ADGRB3: variants seen among roughly 807,000 people sequenced by gnomAD.
The protein encoded by ADGRB3 is brain-specific angiogenesis inhibitor 3.
ADGRB3 carries 37 observed loss-of-function variants against 193.4 expected under a neutral mutation model. The ratio of observed to expected loss-of-function variants is 0.19; its 90% CI spans 0.15 to 0.25. ADGRB3 has a LOEUF of 0.25. Among genes scored for constraint, ADGRB3 ranks in the 10% least tolerant of loss-of-function variants. The probability of loss-of-function intolerance (pLI) is 1.00; values close to 1 mark genes in which losing one functional copy is unlikely to be tolerated. For missense variants in ADGRB3, 1,637 were observed against 1,852.9 expected (o/e 0.88, Z 2.14); for synonymous variants, 690 against 644.2 (o/e 1.07, Z -1.08).
Position 69,382,840 on chromosome 6 carries a change from C to A in ADGRB3, c.4285C>A (p.His1429Asn). ...TTGTTCTTTTTTGCAGAAGGTCATG[C>A]ATACAAGGAAGAGGCATATGGAACT... is the stretch of plus-strand genomic sequence containing the variant. ...YSDLDFEKVM[H>N]TRKRHMELFQ... is the part of the protein sequence containing the mutation. The change falls in exon 31 of 32, where the codon CAT becomes AAT. Residue 1429 changes from histidine to asparagine, a missense_variant. Physicochemically the swap from His to Asn is moderately conservative, Grantham distance 68. Around this residue, in one of 7 missense-constraint regions of ADGRB3, gnomAD observed 368 missense variants for 367.4 expected, o/e 1.00. Coordinates refer to ENST00000370598, the MANE Select transcript of ADGRB3 (RefSeq NM_001704.3). 6.2e-7 allele frequency: 1 copy of A among 1,603,736 alleles called. No homozygotes were observed. Among genetic ancestry groups the A allele is most frequent in the Non-Finnish European group, 8.5e-7 (1 of 1,174,722 alleles).
At chr6:68,925,602 A>C (rs1316520847) in intron 3 of ADGRB3, among the ~76,000 whole-genome samples, 1 of 152,120 alleles carries the variant, frequency 6.6e-6, no homozygotes, top group African/African-American at 2.4e-5. Context: ...TGAAAGATTT[A>C]ATTGTATTTC....
At chr6:68,865,754 C>T (rs1321431472) in intron 3 of ADGRB3, among the ~76,000 whole-genome samples, 2 of 152,138 alleles carry the variant, frequency 1.3e-5, no homozygotes, top group African/African-American at 2.4e-5. Context: ...TTTAGTCCTG[C>T]ACCTTCTGTC....
At chr6:69,255,571 T>G (rs1286173984) in intron 20 of ADGRB3, among the ~76,000 whole-genome samples, 6 of 152,236 alleles carry the variant, frequency 3.9e-5, no homozygotes, top group African/African-American at 1.2e-4. Flanking sequence ...CTTGTAAATT[T>G]GTTTAAGTTC....
chr6:69,218,035 T>C (rs953484310), intron 17 of ADGRB3, among the ~76,000 whole-genome samples: 2 of 142,132 alleles, frequency 1.4e-5, no homozygotes, highest in African/African-American at 5.3e-5. Context: ...TAACATATTC[T>C]GGTGAACATG....
At chr6:69,084,441 G>A (rs2150315419) in intron 17 of ADGRB3, among the ~76,000 whole-genome samples, 1 of 152,226 alleles carries the variant, frequency 6.6e-6, no homozygotes, top group South Asian at 2.1e-4. Context: ...ATTCAGAAAT[G>A]AAAACTGGCT....
rs1765321154 is a variant in ADGRB3, at chr6:68,867,221, G to T, written c.758-63338G>T. Among the ~76,000 whole-genome samples the T allele has an allele frequency of 2.0e-5, 3 of 152,144 alleles. No homozygotes were observed. In the South Asian group the frequency reaches 6.2e-4, roughly 32 times the overall value. ...TCCCAGGGTGCTGCTTCTCTGTGCA[G>T]TCTCAGGACATGGCACCCTGCATCC... On this transcript the variant is annotated intron_variant, in intron 3 of 31. Transcript: ENST00000370598.
rs9454642 is a variant in ADGRB3 at position 68,900,630 on chromosome 6, A to G, written c.758-29929A>G. Among the ~76,000 whole-genome samples, 1,345 of 152,276 alleles carry G rather than the reference A, an allele frequency of 8.8e-3. 34 individuals carry two copies. The highest frequency in any genetic ancestry group is 0.031 in the African/African-American group (1,284 of 41,566). On this transcript the variant is annotated intron_variant, in intron 3 of 31. Transcript: ENST00000370598. Reference sequence around the variant, plus strand: ...CATTGCCCACTGAGCTCATGAACAAAGTACCATGGTGACAAGGATGGAGGT... The same window carrying G: ...CATTGCCCACTGAGCTCATGAACAAGGTACCATGGTGACAAGGATGGAGGT...
chr6:69,168,476 G>GCAA (rs1775187202), intron 17 of ADGRB3, among the ~76,000 whole-genome samples: 1 of 152,076 alleles, frequency 6.6e-6, no homozygotes, highest in Non-Finnish European at 1.5e-5. Context: ...ACTAAAGGTT[G>GCAA]CTTTAAAGGA....
intron 3 of ADGRB3, among the ~76,000 whole-genome samples, chr6:68,789,755 C>T (rs911388271): frequency 2.8e-4 from 43 of 152,198 alleles, no homozygotes; most frequent in Non-Finnish European, 5.1e-4. Context: ...TGTTTTCCAA[C>T]TTGGTTCCAT....
At chr6:69,075,340 A>G (rs952101869) in intron 16 of ADGRB3, among the ~76,000 whole-genome samples, 1 of 152,220 alleles carries the variant, frequency 6.6e-6, no homozygotes, top group Non-Finnish European at 1.5e-5. Flanking sequence ...ACAGAAGCAC[A>G]TTGAATAATG....
chr6:68,748,433 C>T (rs1318504851), intron 3 of ADGRB3, among the ~76,000 whole-genome samples: 2 of 152,142 alleles, frequency 1.3e-5, no homozygotes, highest in African/African-American at 4.8e-5. Context: ...AAAGGGGTTA[C>T]AGAGTTCATG....
chr6:69,051,750 A>AT (rs141145522), intron 15 of ADGRB3, among the ~76,000 whole-genome samples: 12,097 of 152,242 alleles, frequency 0.079, 601 homozygotes, highest in Non-Finnish European at 0.12. Flanking sequence ...AACAAGGGTG[A>AT]TTCTTTTTTC....
At chr6:68,782,997 T>TCA (rs1200918266) in intron 3 of ADGRB3, among the ~76,000 whole-genome samples, 3 of 151,986 alleles carry the variant, frequency 2.0e-5, no homozygotes, top group Non-Finnish European at 4.4e-5. Flanking sequence ...GAGGTGACCA[T>TCA]CATGTAAACA....
intron 6 of ADGRB3, among the ~76,000 whole-genome samples, chr6:68,948,471 T>C (rs1767831453): frequency 6.6e-6 from 1 of 152,156 alleles, no homozygotes; most frequent in Admixed American, 6.6e-5. Flanking sequence ...ATGACTGCCA[T>C]TAAAATTATA....
rs960552130 is a variant in ADGRB3, at chr6:69,038,846, C to T, written c.2108-9339C>T. Reference sequence around the variant, plus strand: ...CCTGTTCAAGGTTCAGTAGTTCCTTCTTATGTAAGGTTTTGCTTTACCTGG... The same window carrying T: ...CCTGTTCAAGGTTCAGTAGTTCCTTTTTATGTAAGGTTTTGCTTTACCTGG... On this transcript the variant is annotated intron_variant, in intron 13 of 31. Transcript: ENST00000370598. Among the ~76,000 whole-genome samples the T allele has an allele frequency of 3.3e-5, 5 of 152,274 alleles. No homozygotes were observed. In the East Asian group the frequency reaches 9.6e-4, roughly 29 times the overall value.
chr6:69,055,815 T>C (rs628698), intron 15 of ADGRB3, among the ~76,000 whole-genome samples: 5,215 of 151,998 alleles, frequency 0.034, 127 homozygotes, highest in East Asian at 0.088. Flanking sequence ...TTGTTTTTTT[T>C]TGTTTTGCTT....
At chr6:68,785,706 G>T (rs892287066) in intron 3 of ADGRB3, among the ~76,000 whole-genome samples, 1 of 152,014 alleles carries the variant, frequency 6.6e-6, no homozygotes, top group African/African-American at 2.4e-5. Flanking sequence ...GCTATTTCTA[G>T]TTCTAGATCC....
chr6:69,330,946 G>T (rs1472032536), intron 23 of ADGRB3, among the ~76,000 whole-genome samples: 1 of 152,006 alleles, frequency 6.6e-6, no homozygotes, highest in Admixed American at 6.6e-5. Flanking sequence ...TATTAATAGG[G>T]AAATCTCTTT....
At chr6:69,010,846 C>T (rs1285821545) in intron 11 of ADGRB3, among the ~76,000 whole-genome samples, 1 of 151,272 alleles carries the variant, frequency 6.6e-6, no homozygotes, top group Non-Finnish European at 1.5e-5. Flanking sequence ...AAGGTGTTGA[C>T]CTTTTTATTT....
Sources: gnomAD v4.1 joint callset for allele counts (sites outside exome capture counted in the v4.1 genomes callset) on GRCh38, gnomAD v4.1.1 for gene constraint, gnomAD v4.1.1 regional missense constraint, MANE v1.5 for transcripts, NCBI Gene and HGNC (gene_info 2026-07-23, HGNC 2026-07-21) for gene names.